Variants in TDG observed in about 807,000 individuals in gnomAD.
TDG encodes the protein G/T mismatch-specific thymine DNA glycosylase.
Under a neutral mutation model 46.1 loss-of-function variants are expected in TDG, and 23 were observed. The observed-to-expected ratio is 0.50, with a 90% CI of 0.36 to 0.71. TDG has a LOEUF of 0.71. Among genes scored for constraint, TDG ranks in the 30% least tolerant of loss-of-function variants. TDG has a pLI of 0.00. For synonymous variants in TDG, 115 were observed against 161.3 expected, an observed-to-expected ratio of 0.71 and a Z score of 2.18; for missense variants, 304 against 486.7, an observed-to-expected ratio of 0.62 and a Z score of 3.53.
intron 1 of TDG, among the ~76,000 whole-genome samples, chr12:103,969,645 A>G (rs1227689480): frequency 2.0e-5 from 3 of 152,244 alleles, no homozygotes; most frequent in Non-Finnish European, 4.4e-5. Context: ...AAGAGGCACA[A>G]TCCTATACTC....
At chr12:103,986,002 C>T (rs1301673176) in intron 9 of TDG, among the ~76,000 whole-genome samples, 2 of 152,166 alleles carry the variant, frequency 1.3e-5, no homozygotes, top group African/African-American at 4.8e-5. Context: ...TCACTGCAAG[C>T]TCCCCCTCCT....
chr12:103,986,835 TGATCATGCCACTG>T, intron 9 of TDG, 100 bp from the exon 10 acceptor site: 1 of 1,161,260 alleles, frequency 8.6e-7, no homozygotes, highest in South Asian at 1.5e-5. Context: ...CAAAGAGCTG[TGATCATGCCACTG>T]CATTCCAGCC....
intron 1 of TDG, among the ~76,000 whole-genome samples, chr12:103,974,974 CAAAAAAAAAAAA>C (rs34864393): frequency 2.6e-5 from 2 of 77,234 alleles, no homozygotes; most frequent in South Asian, 4.7e-4. Flanking sequence ...GACTCCGTCT[CAAAAAAAAAAAA>C]AAAAAAAGAA....
intron 3 of TDG, 109 bp from the exon 4 acceptor site, chr12:103,980,784 T>C: frequency 3.4e-6 from 3 of 874,992 alleles, no homozygotes; most frequent in Middle Eastern, 2.3e-4. Context: ...TGATGCTGAA[T>C]TAAATTTGTA....
In TDG at chr12:103,982,831, G is replaced by T. The variant is rs772063294; in HGVS notation, c.511G>T (p.Val171Phe). 6.2e-7 allele frequency: 1 copy of T among 1,613,674 alleles called. No individual in the cohort carries two copies. The highest frequency in any genetic ancestry group is 1.1e-5 in the South Asian group (1 of 91,050). Residue 171 changes from valine to phenylalanine, a missense_variant, in exon 5 of 10, where the codon GTC becomes TTC. By Grantham distance (50) the Val-to-Phe change is conservative. Coordinates refer to ENST00000392872, the MANE Select transcript of TDG (RefSeq NM_003211.6). ...KCLFMSGLSE[V>F]QLNHMDDHTL... ...TTTGTTTATGTCAGGGCTCAGTGAG[G>T]TCCAGCTGAACCATATGGATGATCA...
chr12:103,984,972 C>T lies in TDG; in HGVS notation c.964+52C>T, dbSNP rs756335515. On this transcript the variant is annotated intron_variant, in intron 8 of 9. Transcript: ENST00000392872. ...TTCATTTTGTGTGTGTATATATACA[C>T]ATATATACTTACATATATATACACA... The T allele has an allele frequency of 4.3e-6, 6 of 1,387,660 alleles. No individual in the cohort carries two copies. The South Asian group carries it at 7.7e-5, about 18-fold the overall frequency. The allele number at this position is 1,387,660 out of a possible 1,614,324, so 86.0% of individuals were successfully genotyped here. A position where few individuals can be genotyped will look rare whatever the true frequency, so the allele number is the denominator to read the frequency against.
chr12:103,976,407 C>CA lies in TDG; in HGVS notation c.24-511_24-510insA, dbSNP rs1203047572. Among the ~76,000 whole-genome samples the CA allele has an allele frequency of 9.9e-3, 1,415 of 142,856 alleles. 28 individuals carry two copies. The highest frequency in any genetic ancestry group is 0.036 in the African/African-American group (1,323 of 36,748). The allele number at this position is 142,856 out of a possible 152,430, so 93.7% of individuals were successfully genotyped here. ...GGGTGACAGAGGGAGACCCTGTCTC[C>CA]CCACACACACACACACACACACACA... On this transcript the variant is annotated intron_variant, in intron 1 of 9. Transcript: ENST00000392872.
chr12:103,986,556 G>C (rs1872164823), intron 9 of TDG: 1 of 155,142 alleles, frequency 6.4e-6, no homozygotes, highest in Non-Finnish European at 1.4e-5. Flanking sequence ...AAATTAGCAT[G>C]GTGGCAGGTA....
chr12:103,985,560 G>A (rs1480335601), intron 8 of TDG, 43 bp from the exon 9 acceptor site: 2 of 1,561,784 alleles, frequency 1.3e-6, no homozygotes, highest in Non-Finnish European at 1.7e-6. Context: ...TTTTAAAATT[G>A]TTGTACAAAA....
At position 103,980,042 on chromosome 12, in the gene TDG, T is replaced by C; in HGVS notation, c.378T>C (p.Asp126=). ...EAELLTKTLP[D]ILTFNLDIVI... is the part of the protein sequence containing the mutation. ...AACTTCTGACCAAGACTCTCCCCGA[T>C]ATTTTGACCTTCAATCTGGACATTG... The change falls in exon 3 of 10, where the codon GAT becomes GAC. Residue 126 remains aspartate, a synonymous_variant. Transcript: ENST00000392872. The C allele has an allele frequency of 6.2e-7, 1 of 1,614,228 alleles. No homozygotes were observed. The highest frequency in any genetic ancestry group is 8.5e-7 in the Non-Finnish European group (1 of 1,180,048).
chr12:103,985,166 T>TACAC (rs375705839), intron 8 of TDG, among the ~76,000 whole-genome samples: 1,520 of 138,478 alleles, frequency 0.011, 25 homozygotes, highest in African/African-American at 0.032. Flanking sequence ...TATAGACACA[T>TACAC]ACACACACAC....
chr12:103,977,041 T>C lies in TDG; in HGVS notation c.147T>C (p.Pro49=). Residue 49 remains proline (P), a synonymous_variant, in exon 2 of 10, where the codon CCT becomes CCC. Transcript: ENST00000392872. ...QMPEEVPAPA[P]AQEPVQEAPK... ...CAGAAGAAGTTCCAGCCCCAGCTCC[T>C]GCTCAGGAACCAGTGCAAGGTAGTT... 6.2e-7 allele frequency: 1 copy of C among 1,613,198 alleles called. No homozygotes were observed. Among genetic ancestry groups the C allele is most frequent in the Non-Finnish European group, 8.5e-7 (1 of 1,179,796 alleles).
intron 1 of TDG, among the ~76,000 whole-genome samples, chr12:103,973,650 C>T (rs1246030590): frequency 6.6e-6 from 1 of 152,114 alleles, no homozygotes; most frequent in Non-Finnish European, 1.5e-5. Flanking sequence ...CATAGAGCTA[C>T]TAATAATATT....
At chr12:103,974,965 A>G (rs1593510640) in intron 1 of TDG, among the ~76,000 whole-genome samples, 4 of 126,380 alleles carry the variant, frequency 3.2e-5, no homozygotes, top group Admixed American at 1.9e-4. Flanking sequence ...ACAGGGCGAG[A>G]CTCCGTCTCA....
At position 103,988,435 on chromosome 12, in the gene TDG, T is replaced by G. The variant is rs1872303501; in HGVS notation, c.*1345T>G. On this transcript the variant is annotated 3_prime_UTR_variant, in exon 10 of 10. Coordinates refer to ENST00000392872, the MANE Select transcript of TDG (RefSeq NM_003211.6). ...ATGATGGATTTTATTTTTTCCTAGGTCAAGCTGTGTAAAAGTCATTTATGT... is the reference window on the plus strand; with the variant it reads ...ATGATGGATTTTATTTTTTCCTAGGGCAAGCTGTGTAAAAGTCATTTATGT... 6.5e-6 allele frequency: 1 copy of G among 152,740 alleles called. No homozygotes were observed. Among genetic ancestry groups the G allele is most frequent in the Non-Finnish European group, 1.5e-5 (1 of 68,068 alleles). The allele number at this position is 152,740 out of a possible 1,614,324, so 9.5% of individuals were successfully genotyped here.
rs11614215 is a variant in TDG, at chr12:103,969,781, G to A, written c.23+3721G>A. ...GGGTGCCAGTATAGCTAGTGTCATGGGTTCTGCAGTTTGTCTCCAAAATGA... is the reference window on the plus strand; with the variant it reads ...GGGTGCCAGTATAGCTAGTGTCATGAGTTCTGCAGTTTGTCTCCAAAATGA... On this transcript the variant is annotated intron_variant, in intron 1 of 9. Transcript: ENST00000392872. 3.3e-3 allele frequency among the ~76,000 whole-genome samples: 501 copies of A among 152,288 alleles called. 1 individual carries two copies. The highest frequency in any genetic ancestry group is 6.1e-3 in the Non-Finnish European group (413 of 68,032).
Position 103,987,107 on chromosome 12 carries a change from C to T in TDG, c.*17C>T, listed in dbSNP as rs377091632. The stretch of plus-strand genomic sequence containing the variant: ...CATGCTTAAGAATGGTGCTTCTCAG[C>T]TCTGCTTAAATGCTGCAGTTTTAAT... On this transcript the variant is annotated 3_prime_UTR_variant, in exon 10 of 10. Coordinates refer to ENST00000392872, the MANE Select transcript of TDG (RefSeq NM_003211.6). 89 of 1,611,084 alleles carry T rather than the reference C, an allele frequency of 5.5e-5. No homozygotes were observed. The East Asian group carries it at 8.5e-4, about 15-fold the overall frequency.
chr12:103,986,900 A>G, intron 9 of TDG, 48 bp from the exon 10 acceptor site: 1 of 1,600,150 alleles, frequency 6.2e-7, no homozygotes, highest in Non-Finnish European at 8.5e-7. Context: ...TAAAAAAAGC[A>G]AATATTTCTA....
At chr12:103,978,090 C>T (rs1316115133) in intron 2 of TDG, among the ~76,000 whole-genome samples, 1 of 139,640 alleles carries the variant, frequency 7.2e-6, no homozygotes, top group East Asian at 2.1e-4. Flanking sequence ...AAAACAAAAA[C>T]AAAACTTGGA....
Sources: allele counts gnomAD v4.1 joint callset (sites outside exome capture counted in the v4.1 genomes callset), GRCh38; gene constraint gnomAD v4.1.1; transcripts MANE v1.5; gene names NCBI Gene and HGNC (gene_info 2026-07-23, HGNC 2026-07-21).